PRKCE: variants seen among roughly 807,000 people sequenced by gnomAD.
The protein encoded by PRKCE is protein kinase C epsilon type.
A neutral mutation model predicts 85.4 loss-of-function variants in PRKCE; 16 were observed. That is an observed-to-expected ratio of 0.19 (90% CI 0.13 to 0.28). PRKCE has a LOEUF of 0.28. PRKCE is among the 10% of genes least tolerant of loss of function. PRKCE has a pLI of 1.00. For synonymous variants in PRKCE, 388 were observed against 371.5 expected (o/e 1.04, Z -0.51); for missense variants, 573 against 975.2 (o/e 0.59, Z 5.49).
At chr2:45,794,718 T>C (rs963625461) in intron 1 of PRKCE, among the ~76,000 whole-genome samples, 5 of 152,098 alleles carry the variant, frequency 3.3e-5, no homozygotes, top group Non-Finnish European at 7.4e-5. Context: ...CCTCTCCCAC[T>C]CCCAAGGTTG....
At chr2:45,687,987 A>T (rs1306289626) in intron 1 of PRKCE, among the ~76,000 whole-genome samples, 1 of 152,170 alleles carries the variant, frequency 6.6e-6, no homozygotes, top group East Asian at 1.9e-4. Flanking sequence ...CACCCAGAAG[A>T]TGTGCTCCTC....
At chr2:45,691,937 G>A (rs764976237) in intron 1 of PRKCE, among the ~76,000 whole-genome samples, 11 of 152,162 alleles carry the variant, frequency 7.2e-5, no homozygotes, top group African/African-American at 1.2e-4. Context: ...ACAACACACC[G>A]CTCTGAGGTT....
At chr2:45,928,382 C>T (rs962709875) in intron 2 of PRKCE, among the ~76,000 whole-genome samples, 3 of 152,238 alleles carry the variant, frequency 2.0e-5, no homozygotes, top group Non-Finnish European at 2.9e-5. Flanking sequence ...ATTCTCATGC[C>T]TCAGCTTCCC....
rs1381528172 is a variant in PRKCE, at chr2:45,866,946, T to C, written c.412+23883T>C. ...GGTTCATTATCCTTTATTGTCTACC[T>C]TCATATGTCTTTAACTTTTACCATG... On this transcript the variant is annotated intron_variant, in intron 2 of 14. Coordinates refer to ENST00000306156, the MANE Select transcript of PRKCE (RefSeq NM_005400.3). Among the ~76,000 whole-genome samples, 7 of 152,214 alleles carry C rather than the reference T, an allele frequency of 4.6e-5. No individual in the cohort carries two copies. In the East Asian group the frequency reaches 1.3e-3, roughly 29 times the overall value.
At chr2:45,927,422 C>T (rs1340229656) in intron 2 of PRKCE, among the ~76,000 whole-genome samples, 3 of 152,246 alleles carry the variant, frequency 2.0e-5, no homozygotes, top group African/African-American at 7.2e-5. Context: ...GGTATTATCT[C>T]CATTTTTGCA....
chr2:45,988,132 A>T (rs1703485198), intron 6 of PRKCE, among the ~76,000 whole-genome samples: 1 of 152,106 alleles, frequency 6.6e-6, no homozygotes, highest in Non-Finnish European at 1.5e-5. Flanking sequence ...TTGCTGGACC[A>T]TGCTAGCAGG....
intron 2 of PRKCE, among the ~76,000 whole-genome samples, chr2:45,951,894 G>A (rs565012126): frequency 2.0e-5 from 3 of 152,308 alleles, no homozygotes; most frequent in Admixed American, 1.3e-4. Flanking sequence ...GCACAGGGGC[G>A]CCATCTTGGC....
chr2:46,077,511 T>C (rs1289180124), intron 10 of PRKCE, among the ~76,000 whole-genome samples: 2 of 152,232 alleles, frequency 1.3e-5, no homozygotes, highest in African/African-American at 4.8e-5. Flanking sequence ...TGGCCTTTGC[T>C]ATAGGAGTTT....
At chr2:45,826,433 A>G (rs1328969138) in intron 1 of PRKCE, among the ~76,000 whole-genome samples, 1 of 152,234 alleles carries the variant, frequency 6.6e-6, no homozygotes, top group Admixed American at 6.5e-5. Context: ...GACAGCAAAT[A>G]GCCTTATGTC....
chr2:46,006,573 C>T (rs1002070219), intron 8 of PRKCE, among the ~76,000 whole-genome samples: 2 of 152,238 alleles, frequency 1.3e-5, no homozygotes, highest in African/African-American at 4.8e-5. Flanking sequence ...CTATGTTCCC[C>T]TTCCATAATC....
chr2:45,831,455 T>C (rs1690417190), intron 1 of PRKCE, among the ~76,000 whole-genome samples: 1 of 152,216 alleles, frequency 6.6e-6, no homozygotes, highest in Admixed American at 6.5e-5. Context: ...ACTAATGTCC[T>C]CTGGGTACAA....
At chr2:45,682,264 A>G (rs538147433) in intron 1 of PRKCE, among the ~76,000 whole-genome samples, 69 of 152,252 alleles carry the variant, frequency 4.5e-4, no homozygotes, top group African/African-American at 1.6e-3. Context: ...TACAGATAAC[A>G]TGATTTCTTA....
intron 2 of PRKCE, among the ~76,000 whole-genome samples, chr2:45,854,186 T>C (rs1324568508): frequency 6.6e-6 from 1 of 152,206 alleles, no homozygotes; most frequent in African/African-American, 2.4e-5. Flanking sequence ...CCCGGTGCAG[T>C]GTGGCTCCCT....
intron 1 of PRKCE, among the ~76,000 whole-genome samples, chr2:45,791,653 T>G (rs1036914715): frequency 6.6e-6 from 1 of 152,232 alleles, no homozygotes; most frequent in African/African-American, 2.4e-5. Context: ...CTTATTTCAC[T>G]CTAGAATCTT....
intron 10 of PRKCE, among the ~76,000 whole-genome samples, chr2:46,016,041 C>T (rs1706115316): frequency 1.3e-5 from 2 of 152,084 alleles, no homozygotes; most frequent in Admixed American, 6.6e-5. Context: ...AAATGAGATC[C>T]GTGGTAGAGG....
intron 5 of PRKCE, among the ~76,000 whole-genome samples, chr2:45,983,677 C>T (rs1031933023): frequency 6.6e-6 from 1 of 152,088 alleles, no homozygotes; most frequent in Non-Finnish European, 1.5e-5. Flanking sequence ...ATGGACTGCC[C>T]TGTAGGGTGG....
rs949953574 is a variant in PRKCE, at chr2:46,145,285, G to T, written c.1731+54G>T. ...CTCCTGGTGCCAGGACCGAGGCAGG[G>T]GTCCAAACCCATGCACTGGGGTCAT... On this transcript the variant is annotated intron_variant, in intron 12 of 14. Transcript: ENST00000306156. The surrounding 1 kb of genome is among the most constrained non-coding windows in gnomAD (Gnocchi z 4.6). The T allele has an allele frequency of 1.3e-6, 2 of 1,591,694 alleles. No individual in the cohort carries two copies. The highest frequency in any genetic ancestry group is 8.5e-7 in the Non-Finnish European group (1 of 1,174,132).
chr2:45,842,785 G>A (rs1186118108), intron 1 of PRKCE, among the ~76,000 whole-genome samples: 2 of 152,244 alleles, frequency 1.3e-5, no homozygotes, highest in East Asian at 1.9e-4. Context: ...TAGCAAAATT[G>A]CCCCCAGTTG....
chr2:45,985,982 A>G (rs1703292029), intron 6 of PRKCE, among the ~76,000 whole-genome samples: 1 of 152,246 alleles, frequency 6.6e-6, no homozygotes, highest in Non-Finnish European at 1.5e-5. Context: ...GGGTAAGTAC[A>G]TTGAGTATGA....
Sources: allele counts gnomAD v4.1 joint callset (sites outside exome capture counted in the v4.1 genomes callset), GRCh38; gene constraint gnomAD v4.1.1; non-coding constraint Gnocchi (gnomAD v3.1); transcripts MANE v1.5; gene names NCBI Gene and HGNC (gene_info 2026-07-23, HGNC 2026-07-21).